KLHL32: variants seen among roughly 807,000 people sequenced by gnomAD.
KLHL32 encodes the protein kelch-like protein 32.
A neutral mutation model predicts 64.8 loss-of-function variants in KLHL32; 35 were observed. The ratio of observed to expected loss-of-function variants is 0.54; its 90% CI spans 0.41 to 0.72. The LOEUF (loss-of-function observed/expected upper bound fraction) is 0.72, where lower values mean the gene tolerates loss of function less well. KLHL32 is among the 30% of genes least tolerant of loss of function. The probability of loss-of-function intolerance (pLI) is 0.00; values close to 1 mark genes in which losing one functional copy is unlikely to be tolerated. For missense variants in KLHL32, 589 were observed against 768.5 expected, an observed-to-expected ratio of 0.77 and a Z score of 2.76; for synonymous variants, 259 against 281.0, an observed-to-expected ratio of 0.92 and a Z score of 0.78.
At chr6:96,911,650 T>C in the KLHL32 span, among the ~76,000 whole-genome samples, 1 of 152,144 alleles carries the variant, frequency 6.6e-6, no homozygotes, top group Non-Finnish European at 1.5e-5. Flanking sequence ...TAGCTTTTGA[T>C]TTCTACCACT....
At chr6:96,968,668 C>T (rs1035934728) in intron 2 of KLHL32, among the ~76,000 whole-genome samples, 18 of 152,174 alleles carry the variant, frequency 1.2e-4, no homozygotes, top group Non-Finnish European at 2.1e-4. Flanking sequence ...CCAGAGCCCT[C>T]CCTTCCCCAC....
intron 7 of KLHL32, among the ~76,000 whole-genome samples, chr6:97,125,980 A>G (rs1798829878): frequency 6.6e-6 from 1 of 152,184 alleles, no homozygotes; most frequent in African/African-American, 2.4e-5. Flanking sequence ...TTTCTAAAGT[A>G]AGTAATCTAA....
chr6:96,975,440 G>C (rs1448390685), intron 2 of KLHL32, among the ~76,000 whole-genome samples: 1 of 152,124 alleles, frequency 6.6e-6, no homozygotes, highest in Non-Finnish European at 1.5e-5. Flanking sequence ...TGGTTTAATT[G>C]CCTTTTACAT....
chr6:97,112,850 TAATA>T (rs1420015328), intron 6 of KLHL32, among the ~76,000 whole-genome samples: 4 of 149,288 alleles, frequency 2.7e-5, no homozygotes, highest in African/African-American at 4.9e-5. Flanking sequence ...TATTATTTAA[TAATA>T]AATATATAAT....
chr6:97,127,442 A>G lies in KLHL32; in HGVS notation c.1393A>G (p.Met465Val). The G allele has an allele frequency of 1.2e-6, 2 of 1,613,324 alleles. No homozygotes were observed. The highest frequency in any genetic ancestry group is 1.7e-6 in the Non-Finnish European group (2 of 1,179,328). The change falls in exon 8 of 11, where the codon ATG (methionine) becomes GTG (valine). Residue 465 changes from methionine (M) to valine (V), a missense_variant. Transcript: ENST00000369261. Reference protein sequence around the residue: ...TNTAQYQNRLMVYEPNQNKWI... With the variant: ...TNTAQYQNRLVVYEPNQNKWI... ...TACGGCACAATATCAGAACAGGCTA[A>G]TGGTGTATGAACCTAACCAGGTAAG...
At chr6:96,934,565 G>A (rs1030704042) in intron 1 of KLHL32, among the ~76,000 whole-genome samples, 9 of 152,198 alleles carry the variant, frequency 5.9e-5, no homozygotes, top group Admixed American at 4.6e-4. Context: ...CCCTGTCTGG[G>A]TAGAAGTCTT....
intron 1 of KLHL32, among the ~76,000 whole-genome samples, chr6:96,950,492 T>C (rs1398631079): frequency 2.1e-5 from 3 of 141,120 alleles, no homozygotes; most frequent in Admixed American, 2.1e-4. Flanking sequence ...TTTTATCAGT[T>C]GTCACGTTAA....
chr6:97,095,926 T>A (rs966462808), intron 6 of KLHL32, among the ~76,000 whole-genome samples: 9 of 152,190 alleles, frequency 5.9e-5, no homozygotes, highest in African/African-American at 2.2e-4. Context: ...TTGGCAATAT[T>A]CTGCTTGAAG....
intron 3 of KLHL32, among the ~76,000 whole-genome samples, chr6:96,995,881 T>A (rs371367214): frequency 3.9e-5 from 6 of 152,254 alleles, no homozygotes; most frequent in African/African-American, 1.4e-4. Context: ...GTACTATGTG[T>A]GGCAGCCCCC....
chr6:96,912,828 C>A, the KLHL32 span, among the ~76,000 whole-genome samples: 3 of 152,174 alleles, frequency 2.0e-5, no homozygotes, highest in African/African-American at 7.2e-5. Flanking sequence ...TCCAGTTCCT[C>A]TGCATTGTAA....
intron 5 of KLHL32, among the ~76,000 whole-genome samples, chr6:97,083,186 T>C (rs1792847351): frequency 6.6e-6 from 1 of 152,090 alleles, no homozygotes; most frequent in African/African-American, 2.4e-5. Flanking sequence ...GGTCAGGAGT[T>C]CAAGACCAGC....
At chr6:96,948,269 T>C (rs949348715) in intron 1 of KLHL32, among the ~76,000 whole-genome samples, 2 of 152,292 alleles carry the variant, frequency 1.3e-5, no homozygotes, top group Admixed American at 6.5e-5. Context: ...ATTAGATTGG[T>C]GATCTTGGGA....
At chr6:97,038,489 T>A (rs1389719215) in intron 3 of KLHL32, among the ~76,000 whole-genome samples, 2 of 152,124 alleles carry the variant, frequency 1.3e-5, no homozygotes, top group South Asian at 2.1e-4. Flanking sequence ...TAAAATGGCT[T>A]TTATCAAAAA....
At chr6:96,935,632 A>G (rs1770505414) in intron 1 of KLHL32, among the ~76,000 whole-genome samples, 1 of 152,196 alleles carries the variant, frequency 6.6e-6, no homozygotes, top group East Asian at 1.9e-4. Context: ...TCTGTGCCAA[A>G]TTATAGGGAG....
chr6:96,967,172 C>A, intron 2 of KLHL32, 89 bp downstream of exon 2: 2 of 1,140,080 alleles, frequency 1.8e-6, no homozygotes, highest in Middle Eastern at 2.5e-4. Context: ...AAAGCAGGGG[C>A]TTAATGCATA....
chr6:96,901,565 T>C, the KLHL32 span, among the ~76,000 whole-genome samples: 2 of 152,190 alleles, frequency 1.3e-5, no homozygotes, highest in African/African-American at 4.8e-5. Context: ...TTTTGCTATG[T>C]AAGGTAGCAT....
intron 4 of KLHL32, among the ~76,000 whole-genome samples, chr6:97,057,840 T>C (rs1309656723): frequency 6.6e-6 from 1 of 152,182 alleles, no homozygotes; most frequent in Non-Finnish European, 1.5e-5. Context: ...CTAGATCTTC[T>C]CCTATGTTAC....
At chr6:97,137,537 G>GTCTT (rs1800163956) in intron 10 of KLHL32, among the ~76,000 whole-genome samples, 1 of 151,900 alleles carries the variant, frequency 6.6e-6, no homozygotes, top group Non-Finnish European at 1.5e-5. Flanking sequence ...TGAAGTTAAA[G>GTCTT]TCTTTTTTTT....
At chr6:97,042,099 A>G (rs1439573473) in intron 4 of KLHL32, among the ~76,000 whole-genome samples, 2 of 152,216 alleles carry the variant, frequency 1.3e-5, no homozygotes, top group African/African-American at 4.8e-5. Context: ...CAAAGTTGTT[A>G]TAGGATTTAT....
Sources: gnomAD v4.1 joint callset for allele counts (sites outside exome capture counted in the v4.1 genomes callset) on GRCh38, gnomAD v4.1.1 for gene constraint, MANE v1.5 for transcripts, NCBI Gene and HGNC (gene_info 2026-07-23, HGNC 2026-07-21) for gene names.